SCFD2: variants seen among roughly 807,000 people sequenced by gnomAD.
SCFD2 encodes sec1 family domain containing 2.
SCFD2 carries 54 observed loss-of-function variants against 58.9 expected under a neutral mutation model. That is an observed-to-expected ratio of 0.92 (90% CI 0.74 to 1.15). The LOEUF (loss-of-function observed/expected upper bound fraction) is 1.15, where lower values mean the gene tolerates loss of function less well. SCFD2 is among the 50% of genes most tolerant of loss of function. The pLI, the probability that SCFD2 is intolerant of heterozygous loss-of-function variation, is 0.00. For missense variants in SCFD2, 805 were observed against 836.6 expected, an observed-to-expected ratio of 0.96 and a Z score of 0.47; for synonymous variants, 321 against 335.9, an observed-to-expected ratio of 0.96 and a Z score of 0.49.
In SCFD2 at chr4:53,031,352, C is replaced by T. The variant is rs1722611105; in HGVS notation, c.1562-110482G>A. ...TTCCAAAAACCAGAAGGCCTCTTCT[C>T]CTCTAAAAGGCCTCTTCTCCTCTAA... is the stretch of plus-strand genomic sequence containing the variant. On this transcript the variant is annotated intron_variant, in intron 5 of 8. Coordinates refer to ENST00000401642, the MANE Select transcript of SCFD2 (RefSeq NM_152540.4). Among the ~76,000 whole-genome samples the T allele has an allele frequency of 2.0e-5, 3 of 152,168 alleles. No homozygotes were observed. The South Asian group carries it at 6.2e-4, about 32-fold the overall frequency.
At chr4:53,053,872 A>AT (rs1723251814) in intron 5 of SCFD2, among the ~76,000 whole-genome samples, 1 of 152,206 alleles carries the variant, frequency 6.6e-6, no homozygotes, top group South Asian at 2.1e-4. Context: ...CATTCTGATA[A>AT]TTTTTAAAGA....
chr4:53,267,587 G>C (rs764500757), intron 4 of SCFD2, among the ~76,000 whole-genome samples: 1 of 152,132 alleles, frequency 6.6e-6, no homozygotes, highest in Non-Finnish European at 1.5e-5. Flanking sequence ...ATTTATTTAA[G>C]AGATTGGGCG....
At chr4:53,029,230 A>C (rs1448281363) in intron 5 of SCFD2, among the ~76,000 whole-genome samples, 3 of 146,732 alleles carry the variant, frequency 2.0e-5, no homozygotes, top group Non-Finnish European at 4.6e-5. Flanking sequence ...CATCTTTGGA[A>C]AAATCTTACG....
intron 5 of SCFD2, chr4:52,948,731 C>T (rs1720508618): frequency 1.3e-5 from 4 of 311,622 alleles, no homozygotes; most frequent in South Asian, 8.3e-5. Flanking sequence ...ACGCTGGATC[C>T]TCTCCTTTTC....
At chr4:53,337,218 T>A (rs993416421) in intron 2 of SCFD2, among the ~76,000 whole-genome samples, 25 of 152,240 alleles carry the variant, frequency 1.6e-4, no homozygotes, top group African/African-American at 5.1e-4. Context: ...TGTGTTCACA[T>A]GGTCATCCTC....
Position 53,337,185 on chromosome 4 carries a change from G to A in SCFD2, c.1007+15413C>T, listed in dbSNP as rs145094896. On this transcript the variant is annotated intron_variant, in intron 2 of 8. Coordinates refer to ENST00000401642, the MANE Select transcript of SCFD2 (RefSeq NM_152540.4). ...GTTTCTCCCAAGGCCCCTTTCTTTG[G>A]CTTGCAGATGGCCCACTTCTTGTGT... Among the ~76,000 whole-genome samples, 6 of 152,290 alleles carry A rather than the reference G, an allele frequency of 3.9e-5. No individual in the cohort carries two copies. In the East Asian group the frequency reaches 9.6e-4, roughly 24 times the overall value.
intron 5 of SCFD2, among the ~76,000 whole-genome samples, chr4:52,938,169 T>C (rs1043403369): frequency 6.6e-6 from 1 of 152,224 alleles, no homozygotes. Context: ...CAAGTACTGT[T>C]CTAAGTACTT....
chr4:53,290,902 A>G (rs1175022195), intron 3 of SCFD2, among the ~76,000 whole-genome samples: 1 of 152,128 alleles, frequency 6.6e-6, no homozygotes, highest in East Asian at 1.9e-4. Context: ...TTGAATAATA[A>G]GCAATTAAAG....
chr4:53,231,365 T>C (rs1729434267), intron 4 of SCFD2, among the ~76,000 whole-genome samples: 1 of 152,174 alleles, frequency 6.6e-6, no homozygotes, highest in Non-Finnish European at 1.5e-5. Flanking sequence ...GCATGGCGTC[T>C]GGTGTCTAAT....
intron 5 of SCFD2, 73 bp from the exon 6 acceptor site, chr4:52,920,943 G>A (rs978534731): frequency 3.4e-6 from 3 of 877,208 alleles, no homozygotes; most frequent in African/African-American, 3.5e-5. Flanking sequence ...TGAGCTCGAT[G>A]TAATGTAGTT....
At chr4:53,324,177 G>A (rs1394646960) in intron 2 of SCFD2, among the ~76,000 whole-genome samples, 1 of 152,070 alleles carries the variant, frequency 6.6e-6, no homozygotes, top group Non-Finnish European at 1.5e-5. Flanking sequence ...AGCACTTTGG[G>A]AGGCCAAGGC....
At chr4:52,998,473 T>A (rs889166057) in intron 5 of SCFD2, among the ~76,000 whole-genome samples, 11 of 152,246 alleles carry the variant, frequency 7.2e-5, no homozygotes, top group Admixed American at 2.6e-4. Context: ...AGAGATTAAA[T>A]CCTTCTTGTT....
At chr4:53,164,749 C>T (rs1038530522) in intron 4 of SCFD2, among the ~76,000 whole-genome samples, 3 of 146,290 alleles carry the variant, frequency 2.1e-5, no homozygotes, top group African/African-American at 7.7e-5. Flanking sequence ...CGAGATCACG[C>T]CATTGCAGCC....
chr4:52,997,494 T>A (rs1224653931), intron 5 of SCFD2, among the ~76,000 whole-genome samples: 1 of 152,160 alleles, frequency 6.6e-6, no homozygotes, highest in Non-Finnish European at 1.5e-5. Flanking sequence ...GGGGCCCACT[T>A]TGGAGTAGAA....
chr4:52,906,484 A>G lies in SCFD2; in HGVS notation c.1842+973T>C, dbSNP rs1719351347. ...TATACCAACTCAGAAGTCCCTAAAC[A>G]CTTTGGAGAGGCTGATTACACTGCT... On this transcript the variant is annotated intron_variant, in intron 7 of 8. Transcript: ENST00000401642. Among the ~76,000 whole-genome samples, 3 of 152,198 alleles carry G rather than the reference A, an allele frequency of 2.0e-5. No individual in the cohort carries two copies. The South Asian group carries it at 6.2e-4, about 31-fold the overall frequency.
intron 8 of SCFD2, among the ~76,000 whole-genome samples, chr4:52,883,286 A>G (rs1480314845): frequency 6.6e-6 from 1 of 152,190 alleles, no homozygotes; most frequent in African/African-American, 2.4e-5. Context: ...GAGACCCGCC[A>G]CAGCATGTGT....
intron 2 of SCFD2, among the ~76,000 whole-genome samples, chr4:53,338,691 C>A (rs1207162288): frequency 7.1e-6 from 1 of 141,588 alleles, no homozygotes; most frequent in African/African-American, 2.6e-5. Context: ...CGCCATTCTC[C>A]TGCCTCAGCC....
chr4:53,094,141 G>A (rs1724551047), intron 5 of SCFD2, among the ~76,000 whole-genome samples: 1 of 152,060 alleles, frequency 6.6e-6, no homozygotes, highest in East Asian at 1.9e-4. Flanking sequence ...ACTGGTGAAT[G>A]GAATTGTTGT....
intron 5 of SCFD2, among the ~76,000 whole-genome samples, chr4:53,140,069 G>T (rs1439569319): frequency 1.4e-5 from 2 of 143,840 alleles, no homozygotes; most frequent in East Asian, 2.0e-4. Context: ...CAAACACTGC[G>T]GAAGGCGGCA....
Sources: gnomAD v4.1 joint callset for allele counts (sites outside exome capture counted in the v4.1 genomes callset) on GRCh38, gnomAD v4.1.1 for gene constraint, MANE v1.5 for transcripts, NCBI Gene and HGNC (gene_info 2026-07-23, HGNC 2026-07-21) for gene names.